The following SPAG16 variants were observed in gnomAD, a reference collection of about 807,000 sequenced individuals.
SPAG16 encodes the protein sperm associated antigen 16, also known as sperm-associated antigen 16 protein.
Under a neutral mutation model 80.4 loss-of-function variants are expected in SPAG16, and 86 were observed. The ratio of observed to expected loss-of-function variants is 1.07; its 90% confidence interval spans 0.90 to 1.28. The LOEUF (loss-of-function observed/expected upper bound fraction) is 1.28. SPAG16 is among the 50% of genes most tolerant of loss of function. The pLI, the probability that SPAG16 is intolerant of heterozygous loss-of-function variation, is 0.00. For synonymous variants in SPAG16, 294 were observed against 265.9 expected (o/e 1.11, Z -1.03); for missense variants, 870 against 765.3 (o/e 1.14, Z -1.61).
At chr2:213,961,439 T>C (rs545858824) in intron 12 of SPAG16, among the ~76,000 whole-genome samples, 2 of 152,174 alleles carry the variant, frequency 1.3e-5, no homozygotes, top group Non-Finnish European at 1.5e-5. Flanking sequence ...CAATGTTGAA[T>C]AGAAGTGATT....
intron 15 of SPAG16, among the ~76,000 whole-genome samples, chr2:214,347,538 G>A (rs1039017153): frequency 4.6e-5 from 7 of 152,116 alleles, no homozygotes; most frequent in South Asian, 2.1e-4. Flanking sequence ...AGGACTTAAG[G>A]TGGCGCCTCA....
intron 12 of SPAG16, among the ~76,000 whole-genome samples, chr2:213,976,228 A>T (rs2045390529): frequency 6.6e-6 from 1 of 150,760 alleles, no homozygotes. Context: ...GCATATACAT[A>T]TATACACGTG....
chr2:213,668,242 A>G (rs2063683471), intron 10 of SPAG16, among the ~76,000 whole-genome samples: 1 of 151,548 alleles, frequency 6.6e-6, no homozygotes, highest in African/African-American at 2.4e-5. Context: ...CCTGGCCAAA[A>G]TTCTATTTTT....
rs1328639236 is a variant in SPAG16, at chr2:213,387,523, C to T, written c.942+12404C>T. On this transcript the variant is annotated intron_variant, in intron 9 of 15. Transcript: ENST00000331683. ...AGTGTGGAGTGCAGTGGCGGGATCT[C>T]GGCTCACTGCAAGCTCCGCCTCCCG... Among the ~76,000 whole-genome samples, 4 of 28,674 alleles carry T rather than the reference C, an allele frequency of 1.4e-4. 1 individual carries two copies. The highest frequency in any genetic ancestry group is 3.8e-4 in the African/African-American group (3 of 7,842). The allele number at this position is 28,674 out of a possible 152,430, so 18.8% of individuals were successfully genotyped here. A position where few individuals can be genotyped will look rare whatever the true frequency, so the allele number is the denominator to read the frequency against.
Position 214,172,708 on chromosome 2 carries a change from G to T in SPAG16, c.1720+23442G>T, listed in dbSNP as rs181294235. On this transcript the variant is annotated intron_variant, in intron 15 of 15. Coordinates refer to ENST00000331683, the MANE Select transcript of SPAG16 (RefSeq NM_024532.5). Reference sequence around the variant, plus strand: ...TCCACAAGGGTTGAACTAGTTTACAGTCCCACCAACAGTGTAAAAGTGTTC... The same window carrying T: ...TCCACAAGGGTTGAACTAGTTTACATTCCCACCAACAGTGTAAAAGTGTTC... Among the ~76,000 whole-genome samples, 1,192 of 152,096 alleles carry T rather than the reference G, an allele frequency of 7.8e-3. 12 individuals are homozygous for T. The highest frequency in any genetic ancestry group is 0.013 in the Non-Finnish European group (898 of 67,964).
intron 5 of SPAG16, among the ~76,000 whole-genome samples, chr2:213,324,779 A>T (rs1025104878): frequency 6.6e-6 from 1 of 152,032 alleles, no homozygotes. Context: ...GATCAAGGGG[A>T]TAGATGGATG....
At chr2:213,918,870 A>G (rs961316590) in intron 11 of SPAG16, among the ~76,000 whole-genome samples, 2 of 151,906 alleles carry the variant, frequency 1.3e-5, no homozygotes, top group African/African-American at 4.8e-5. Flanking sequence ...GGGAGGGTGT[A>G]TGTGTCCAGG....
rs1283441146 is a variant in SPAG16, at chr2:213,513,771, T to TGGC, written c.1070+23682_1070+23684dup. Among the ~76,000 whole-genome samples the TGGC allele has an allele frequency of 7.2e-5, 11 of 152,314 alleles. 1 individual carries two copies. The highest frequency in any genetic ancestry group is 2.6e-4 in the African/African-American group (11 of 41,590). On this transcript the variant is annotated intron_variant, in intron 10 of 15. Transcript: ENST00000331683. ...GCTGGTCCCCTTCATATTTATGAGGTGGCTGCTTGCTGTATAATTTTATAC... is the reference window on the plus strand; with the variant it reads ...GCTGGTCCCCTTCATATTTATGAGGTGGCGGCTGCTTGCTGTATAATTTTATAC...
chr2:213,310,782 TATAATA>T (rs1191316765), intron 4 of SPAG16, among the ~76,000 whole-genome samples: 1 of 151,874 alleles, frequency 6.6e-6, no homozygotes, highest in African/African-American at 2.4e-5. Flanking sequence ...ATTCCTTTGT[TATAATA>T]ATAATGTCAC....
At chr2:213,937,038 G>C (rs896278418) in intron 12 of SPAG16, among the ~76,000 whole-genome samples, 3 of 151,868 alleles carry the variant, frequency 2.0e-5, no homozygotes, top group Non-Finnish European at 4.4e-5. Flanking sequence ...TATTTTGAAG[G>C]GGAAGGCAAA....
chr2:214,319,463 C>A lies in SPAG16; in HGVS notation c.1721-90677C>A, dbSNP rs1011957946. On this transcript the variant is annotated intron_variant, in intron 15 of 15. Coordinates refer to ENST00000331683, the MANE Select transcript of SPAG16 (RefSeq NM_024532.5). ...GAATAAAATAAAGAAGTGATAAAAT[C>A]CCAAACCAGGGAAATAACTGAGGCA... Among the ~76,000 whole-genome samples, 3 of 148,422 alleles carry A rather than the reference C, an allele frequency of 2.0e-5. No homozygotes were observed. The Admixed American group carries it at 2.0e-4, about 10-fold the overall frequency.
chr2:213,775,373 T>C (rs1575103581), intron 10 of SPAG16, among the ~76,000 whole-genome samples: 1 of 152,228 alleles, frequency 6.6e-6, no homozygotes, highest in African/African-American at 2.4e-5. Flanking sequence ...GATATGCATA[T>C]AGCTGTGAAA....
intron 13 of SPAG16, among the ~76,000 whole-genome samples, chr2:214,088,957 T>C (rs2051973754): frequency 6.6e-6 from 1 of 152,092 alleles, no homozygotes; most frequent in Non-Finnish European, 1.5e-5. Context: ...GATGTAAAAA[T>C]AATATAATAT....
chr2:213,961,585 GT>G (rs34367751), intron 12 of SPAG16, among the ~76,000 whole-genome samples: 206 of 137,312 alleles, frequency 1.5e-3, no homozygotes, highest in African/African-American at 3.9e-3. Flanking sequence ...TCTAACCCTA[GT>G]TTTTTTTTTT....
chr2:214,360,861 T>A (rs546797744), intron 15 of SPAG16, among the ~76,000 whole-genome samples: 150 of 151,966 alleles, frequency 9.9e-4, no homozygotes, highest in African/African-American at 3.5e-3. Context: ...GAAGCTTAAA[T>A]ACCCTCTTTC....
intron 11 of SPAG16, among the ~76,000 whole-genome samples, chr2:213,910,243 ATTTAT>A (rs1429010967): frequency 1.3e-5 from 2 of 152,192 alleles, no homozygotes; most frequent in Non-Finnish European, 2.9e-5. Context: ...AACGATAGTA[ATTTAT>A]TTTATTCCAC....
chr2:213,293,312 G>A (rs1306876722), intron 1 of SPAG16, among the ~76,000 whole-genome samples: 1 of 152,128 alleles, frequency 6.6e-6, no homozygotes, highest in Non-Finnish European at 1.5e-5. Context: ...CTTCATAGCA[G>A]CATGAGAATG....
intron 11 of SPAG16, among the ~76,000 whole-genome samples, chr2:213,927,367 C>A (rs1238654048): frequency 1.3e-5 from 2 of 152,122 alleles, no homozygotes; most frequent in East Asian, 3.9e-4. Flanking sequence ...AAACTCTGAT[C>A]TTTTGCATCT....
chr2:213,830,241 A>T (rs1002650675), intron 10 of SPAG16, among the ~76,000 whole-genome samples: 1 of 152,168 alleles, frequency 6.6e-6, no homozygotes, highest in Non-Finnish European at 1.5e-5. Context: ...CTCCATGGAC[A>T]TCAACTGAGT....
Sources: allele counts gnomAD v4.1 joint callset (sites outside exome capture counted in the v4.1 genomes callset), GRCh38; gene constraint gnomAD v4.1.1; transcripts MANE v1.5; gene names NCBI Gene and HGNC (gene_info 2026-07-23, HGNC 2026-07-21).